The following DOCK3 variants were observed in gnomAD, a reference collection of about 807,000 sequenced individuals.
DOCK3 encodes the protein dedicator of cytokinesis protein 3.
Under a neutral mutation model 265.6 loss-of-function variants are expected in DOCK3, and 60 were observed. The ratio of observed to expected loss-of-function variants is 0.23; its 90% confidence interval spans 0.18 to 0.28. The LOEUF (loss-of-function observed/expected upper bound fraction) is 0.28, where lower values mean the gene tolerates loss of function less well. Ranked by LOEUF, DOCK3 falls within the 10% of genes least tolerant of loss-of-function variation. The pLI, the probability that DOCK3 is intolerant of heterozygous loss-of-function variation, is 1.00. For missense variants in DOCK3, 1,981 were observed against 2,594.3 expected (o/e 0.76, Z 5.14); for synonymous variants, 881 against 938.0 (o/e 0.94, Z 1.11).
intron 5 of DOCK3, among the ~76,000 whole-genome samples, chr3:50,944,090 C>T (rs192332269): frequency 1.4e-3 from 209 of 152,234 alleles, no homozygotes; most frequent in Admixed American, 2.6e-3. Context: ...TTAGCAGTTC[C>T]ATTCACTTAA....
intron 1 of DOCK3, among the ~76,000 whole-genome samples, chr3:50,697,415 C>T (rs1031317504): frequency 6.6e-6 from 1 of 151,926 alleles, no homozygotes; most frequent in Non-Finnish European, 1.5e-5. Context: ...AATGGTGAAA[C>T]CCCGTCTTTA....
intron 5 of DOCK3, among the ~76,000 whole-genome samples, chr3:51,037,962 A>C (rs920055328): frequency 1.1e-4 from 16 of 152,190 alleles, no homozygotes; most frequent in Non-Finnish European, 1.5e-5. Context: ...ACATAGAAAA[A>C]AGAAGGGAGA....
At chr3:51,305,163 T>C (rs2082584217) in intron 27 of DOCK3, among the ~76,000 whole-genome samples, 1 of 152,214 alleles carries the variant, frequency 6.6e-6, no homozygotes, top group South Asian at 2.1e-4. Context: ...TATATCAAAG[T>C]CTTCAACTAT....
intron 4 of DOCK3, among the ~76,000 whole-genome samples, chr3:50,933,052 C>CT (rs906283616): frequency 2.6e-5 from 4 of 152,150 alleles, no homozygotes; most frequent in South Asian, 4.1e-4. Flanking sequence ...GGGAACTCCT[C>CT]TTTAAAAAAG....
At chr3:51,269,019 C>G (rs1328833832) in intron 23 of DOCK3, among the ~76,000 whole-genome samples, 1 of 151,786 alleles carries the variant, frequency 6.6e-6, no homozygotes, top group African/African-American at 2.4e-5. Context: ...TAGCTTAGAT[C>G]TGGTCTCGGC....
At chr3:50,750,699 A>G (rs879872298) in intron 1 of DOCK3, among the ~76,000 whole-genome samples, 3 of 152,130 alleles carry the variant, frequency 2.0e-5, no homozygotes, top group Admixed American at 1.3e-4. Context: ...GTTAATTATC[A>G]GTTGGGAAAG....
At chr3:51,185,625 TC>T (rs1049555847) in intron 12 of DOCK3, among the ~76,000 whole-genome samples, 2 of 152,162 alleles carry the variant, frequency 1.3e-5, no homozygotes, top group African/African-American at 4.8e-5. Flanking sequence ...TGGCTCTGTG[TC>T]CCCACCCAAA....
At chr3:50,774,918 T>A (rs142767955) in intron 1 of DOCK3, among the ~76,000 whole-genome samples, 95 of 152,190 alleles carry the variant, frequency 6.2e-4, no homozygotes, top group African/African-American at 2.2e-3. Context: ...TATCAATTTT[T>A]TCATATATAG....
intron 1 of DOCK3, among the ~76,000 whole-genome samples, chr3:50,745,700 G>A (rs2039384349): frequency 6.6e-6 from 1 of 152,162 alleles, no homozygotes; most frequent in South Asian, 2.1e-4. Context: ...TACTATCCCC[G>A]CTGTTGCAGA....
At chr3:51,269,787 A>G (rs1190369499) in intron 23 of DOCK3, among the ~76,000 whole-genome samples, 2 of 152,236 alleles carry the variant, frequency 1.3e-5, no homozygotes, top group Admixed American at 1.3e-4. Context: ...AAGAACCAGC[A>G]TGTATCAAAG....
At chr3:50,888,345 T>A (rs1345329025) in intron 3 of DOCK3, among the ~76,000 whole-genome samples, 1 of 152,038 alleles carries the variant, frequency 6.6e-6, no homozygotes, top group Non-Finnish European at 1.5e-5. Context: ...AAACCACTGC[T>A]CAAGGAAATA....
chr3:51,306,033 T>A (rs894632526), intron 27 of DOCK3, among the ~76,000 whole-genome samples: 23 of 150,684 alleles, frequency 1.5e-4, no homozygotes, highest in Admixed American at 4.0e-4. Context: ...CTTTTTTTTT[T>A]TAAATTTATT....
chr3:50,921,099 C>T (rs1427384422), intron 4 of DOCK3, among the ~76,000 whole-genome samples: 2 of 152,208 alleles, frequency 1.3e-5, no homozygotes, highest in Admixed American at 6.5e-5. Flanking sequence ...TTTGATTGCA[C>T]TGTGGTCTGA....
chr3:50,988,465 TGGGCTTCAGAGTGTCCGAAGCGACG>T (rs1316558854), intron 5 of DOCK3, among the ~76,000 whole-genome samples: 1 of 152,148 alleles, frequency 6.6e-6, no homozygotes, highest in Non-Finnish European at 1.5e-5. Flanking sequence ...TTCCTACCTT[TGGGCTTCAGAGTGTCCGAAGCGACG>T]GGGCCAAAGT....
intron 27 of DOCK3, among the ~76,000 whole-genome samples, chr3:51,297,062 G>C (rs1426264908): frequency 6.9e-6 from 1 of 145,626 alleles, no homozygotes; most frequent in Non-Finnish European, 1.5e-5. Context: ...AGGTTGCAGT[G>C]AGCTGAGATC....
At chr3:50,887,915 C>CA (rs2048422542) in intron 3 of DOCK3, among the ~76,000 whole-genome samples, 1 of 152,186 alleles carries the variant, frequency 6.6e-6, no homozygotes, top group African/African-American at 2.4e-5. Flanking sequence ...ACTGAATGGG[C>CA]AAAAACTGGA....
chr3:51,358,327 T>C (rs961256253), intron 46 of DOCK3, among the ~76,000 whole-genome samples: 3 of 152,220 alleles, frequency 2.0e-5, no homozygotes, highest in Non-Finnish European at 4.4e-5. Flanking sequence ...GGGAACGTTT[T>C]TCAGGGCACT....
At chr3:51,369,962 C>A (rs1057491775) in intron 49 of DOCK3, among the ~76,000 whole-genome samples, 3 of 152,224 alleles carry the variant, frequency 2.0e-5, no homozygotes, top group Non-Finnish European at 4.4e-5. Flanking sequence ...GCCTCCCTAG[C>A]ATGGACTCTG....
intron 2 of DOCK3, among the ~76,000 whole-genome samples, chr3:50,792,400 A>G (rs540102305): frequency 5.9e-5 from 9 of 152,066 alleles, no homozygotes; most frequent in Non-Finnish European, 1.2e-4. Context: ...GTCATCTACA[A>G]ATGGGTAGTT....
Sources: gnomAD v4.1 joint callset for allele counts (sites outside exome capture counted in the v4.1 genomes callset) on GRCh38, gnomAD v4.1.1 for gene constraint, MANE v1.5 for transcripts, NCBI Gene and HGNC (gene_info 2026-07-23, HGNC 2026-07-21) for gene names.